NAALADL2: variants seen among roughly 807,000 people sequenced by gnomAD.
NAALADL2 encodes N-acetylated alpha-linked acidic dipeptidase like 2, also known as inactive N-acetylated-alpha-linked acidic dipeptidase-like protein 2.
A neutral mutation model predicts 87.2 loss-of-function variants in NAALADL2; 76 were observed. That is an observed-to-expected ratio of 0.87 (90% confidence interval 0.72 to 1.05). The LOEUF (loss-of-function observed/expected upper bound fraction) is 1.05. NAALADL2 is among the 50% of genes least tolerant of loss of function. The probability of loss-of-function intolerance (pLI) is 0.00; values close to 1 mark genes in which losing one functional copy is unlikely to be tolerated. For synonymous variants in NAALADL2, 354 were observed against 331.0 expected (o/e 1.07, Z -0.75); for missense variants, 1,089 against 945.8 (o/e 1.15, Z -1.99).
chr3:175,454,821 T>C (rs1722088245), intron 6 of NAALADL2, among the ~76,000 whole-genome samples: 1 of 152,078 alleles, frequency 6.6e-6, no homozygotes, highest in Non-Finnish European at 1.5e-5. Context: ...CATCCATTTA[T>C]TTCCTGGCAG....
intron 5 of NAALADL2, among the ~76,000 whole-genome samples, chr3:175,428,535 T>G (rs1458821109): frequency 2.0e-5 from 3 of 152,066 alleles, no homozygotes; most frequent in Non-Finnish European, 4.4e-5. Context: ...GTGGAGTGTG[T>G]GGAGAATTTT....
intron 1 of NAALADL2, among the ~76,000 whole-genome samples, chr3:175,015,693 A>G (rs79325178): frequency 0.023 from 3,484 of 152,232 alleles, 55 homozygotes; most frequent in Non-Finnish European, 0.034. Context: ...ACTTAGATCT[A>G]AATTTTCTAA....
chr3:175,754,703 G>A (rs1317065807), intron 12 of NAALADL2, among the ~76,000 whole-genome samples: 1 of 152,012 alleles, frequency 6.6e-6, no homozygotes, highest in Non-Finnish European at 1.5e-5. Context: ...ATAAATTTTT[G>A]AGTCAGAAAG....
intron 2 of NAALADL2, among the ~76,000 whole-genome samples, chr3:174,594,233 C>G (rs972672140): frequency 6.6e-6 from 1 of 152,088 alleles, no homozygotes; most frequent in Non-Finnish European, 1.5e-5. Flanking sequence ...AAACTTTAAT[C>G]CATGACAGGA....
chr3:175,747,862 A>G (rs1360857227), intron 12 of NAALADL2, among the ~76,000 whole-genome samples: 1 of 152,218 alleles, frequency 6.6e-6, no homozygotes, highest in Non-Finnish European at 1.5e-5. Flanking sequence ...ATAGGTCACA[A>G]AAGAGCCCAT....
rs376415064 is a variant in NAALADL2 at position 175,026,069 on chromosome 3, C to T, written c.44-70721C>T. Among the ~76,000 whole-genome samples the T allele has an allele frequency of 2.3e-4, 35 of 152,100 alleles. 1 individual carries two copies. The highest frequency in any genetic ancestry group is 8.2e-4 in the African/African-American group (34 of 41,508). Reference sequence around the variant, plus strand: ...CAAACCATACACTTGCCTTGGCCTCCCAAAATGCTGGAATTACAGGCATAA... The same window carrying T: ...CAAACCATACACTTGCCTTGGCCTCTCAAAATGCTGGAATTACAGGCATAA... On this transcript the variant is annotated intron_variant, in intron 1 of 13. Transcript: ENST00000454872.
chr3:175,391,407 G>A (rs553280096), intron 5 of NAALADL2, among the ~76,000 whole-genome samples: 1 of 152,256 alleles, frequency 6.6e-6, no homozygotes, highest in African/African-American at 2.4e-5. Flanking sequence ...GCCCTCCCTT[G>A]ATCTCTCGCT....
chr3:175,135,711 A>G (rs1387964692), intron 2 of NAALADL2, among the ~76,000 whole-genome samples: 1 of 152,204 alleles, frequency 6.6e-6, no homozygotes, highest in East Asian at 1.9e-4. Context: ...AGATCCTGTG[A>G]ATAGTAACTG....
chr3:174,775,570 A>G (rs1715106013), intron 3 of NAALADL2, among the ~76,000 whole-genome samples: 2 of 150,416 alleles, frequency 1.3e-5, no homozygotes, highest in Admixed American at 6.7e-5. Flanking sequence ...AAATGCAGTT[A>G]AGCATGCAAA....
intron 5 of NAALADL2, among the ~76,000 whole-genome samples, chr3:175,415,103 AT>A (rs1429170168): frequency 6.6e-6 from 1 of 152,150 alleles, no homozygotes; most frequent in African/African-American, 2.4e-5. Context: ...AATTGCCCTC[AT>A]TTATATACAC....
chr3:175,522,312 A>C (rs1732765049), intron 9 of NAALADL2, among the ~76,000 whole-genome samples: 1 of 152,200 alleles, frequency 6.6e-6, no homozygotes, highest in Admixed American at 6.5e-5. Context: ...TATTCGTTGA[A>C]TGCTCCTAAT....
intron 1 of NAALADL2, among the ~76,000 whole-genome samples, chr3:174,512,485 T>C (rs1719664021): frequency 6.6e-6 from 1 of 152,206 alleles, no homozygotes; most frequent in African/African-American, 2.4e-5. Flanking sequence ...GAAAATTGTT[T>C]GCTCTACAAT....
chr3:174,720,517 C>A (rs1252442056), intron 2 of NAALADL2, among the ~76,000 whole-genome samples: 1 of 151,936 alleles, frequency 6.6e-6, no homozygotes, highest in Admixed American at 6.6e-5. Flanking sequence ...ATTTAGACAA[C>A]TGTTAGTATA....
At chr3:174,615,829 A>G (rs1720409562) in intron 2 of NAALADL2, among the ~76,000 whole-genome samples, 1 of 152,028 alleles carries the variant, frequency 6.6e-6, no homozygotes, top group East Asian at 1.9e-4. Context: ...GAGGCACTTA[A>G]AGTTTACTTA....
chr3:174,653,251 T>G (rs886276234), intron 2 of NAALADL2, among the ~76,000 whole-genome samples: 9 of 152,156 alleles, frequency 5.9e-5, no homozygotes, highest in African/African-American at 1.9e-4. Flanking sequence ...AGCCCCAAAC[T>G]GGAATCAACC....
intron 13 of NAALADL2, among the ~76,000 whole-genome samples, chr3:175,781,634 TG>T (rs1345941466): frequency 2.6e-5 from 4 of 151,176 alleles, no homozygotes; most frequent in African/African-American, 7.3e-5. Context: ...CTAATGTGTT[TG>T]TTTGTATTTT....
intron 13 of NAALADL2, among the ~76,000 whole-genome samples, chr3:175,782,564 T>TC (rs1448294805): frequency 6.9e-6 from 1 of 144,546 alleles, no homozygotes; most frequent in Non-Finnish European, 1.5e-5. Context: ...TTTGTTTTTT[T>TC]CTTGTAAATT....
At chr3:174,700,058 G>T (rs1332588463) in intron 2 of NAALADL2, among the ~76,000 whole-genome samples, 1 of 151,208 alleles carries the variant, frequency 6.6e-6, no homozygotes, top group African/African-American at 2.4e-5. Flanking sequence ...TTACTTGTTG[G>T]TTTATTTGGC....
At chr3:174,995,093 A>T (rs1747255760) in intron 1 of NAALADL2, among the ~76,000 whole-genome samples, 1 of 152,112 alleles carries the variant, frequency 6.6e-6, no homozygotes, top group African/African-American at 2.4e-5. Context: ...GACAGTAAAA[A>T]GGCAGAAGAG....
Sources: gnomAD v4.1 joint callset for allele counts (sites outside exome capture counted in the v4.1 genomes callset) on GRCh38, gnomAD v4.1.1 for gene constraint, MANE v1.5 for transcripts, NCBI Gene and HGNC (gene_info 2026-07-23, HGNC 2026-07-21) for gene names.